TMEM53: variants seen among roughly 807,000 people sequenced by gnomAD.
TMEM53 encodes novel DUF829 domain-containing protein.
A neutral mutation model predicts 21.4 loss-of-function variants in TMEM53; 14 were observed. The observed-to-expected ratio is 0.65, with a 90% confidence interval of 0.43 to 1.02. TMEM53 has a LOEUF of 1.02. TMEM53 is among the 50% of genes least tolerant of loss of function. TMEM53 has a pLI of 0.00. For missense variants in TMEM53, 323 were observed against 383.6 expected, an observed-to-expected ratio of 0.84 and a Z score of 1.32; for synonymous variants, 148 against 157.4, an observed-to-expected ratio of 0.94 and a Z score of 0.45.
intron 1 of TMEM53, among the ~76,000 whole-genome samples, chr1:44,660,972 CAAA>C (rs35717917): frequency 2.3e-5 from 2 of 88,304 alleles, no homozygotes; most frequent in Non-Finnish European, 2.3e-5. Flanking sequence ...GACTCTGTCT[CAAA>C]AAAAAAAAAA....
intron 2 of TMEM53, among the ~76,000 whole-genome samples, chr1:44,659,761 A>G (rs1644882345): frequency 6.6e-6 from 1 of 151,958 alleles, no homozygotes; most frequent in Non-Finnish European, 1.5e-5. Flanking sequence ...GGAAGCCATC[A>G]GGAGACCAAA....
At chr1:44,664,643 A>G (rs550563609) in intron 1 of TMEM53, among the ~76,000 whole-genome samples, 65 of 152,194 alleles carry the variant, frequency 4.3e-4, no homozygotes, top group African/African-American at 1.5e-3. Flanking sequence ...CCCTGTAGAT[A>G]ACAAAACCAT....
intron 1 of TMEM53, 106 bp from the exon 2 acceptor site, chr1:44,660,401 G>A (rs767549773): frequency 1.8e-4 from 264 of 1,460,910 alleles, no homozygotes; most frequent in Middle Eastern, 2.5e-4. Flanking sequence ...AGGGAACAAC[G>A]GGTGCCAGGC....
chr1:44,660,707 G>A (rs560322030), intron 1 of TMEM53, among the ~76,000 whole-genome samples: 2,410 of 152,196 alleles, frequency 0.016, 83 homozygotes, highest in Admixed American at 0.066. Flanking sequence ...AAAATCGGCT[G>A]GGCGCGGTGG....
rs990004028 is a variant in TMEM53, at chr1:44,655,935, T to C, written c.184-726A>G. Among the ~76,000 whole-genome samples, 3 of 152,156 alleles carry C rather than the reference T, an allele frequency of 2.0e-5. No individual in the cohort carries two copies. Among genetic ancestry groups the C allele is most frequent in the African/African-American group, 7.2e-5 (3 of 41,438 alleles). Reference sequence around the variant, plus strand: ...GTAAACACTTGTTCCTCGAATTCTATAATCTGGGCCCAAACTCCCTCTAGG... The same window carrying C: ...GTAAACACTTGTTCCTCGAATTCTACAATCTGGGCCCAAACTCCCTCTAGG... On this transcript the variant is annotated intron_variant, in intron 2 of 2. Transcript: ENST00000372237. This position sits in a 1 kb window ranked among gnomAD's most constrained non-coding sequence, Gnocchi z 4.4.
At chr1:44,669,802 T>A (rs1213622081) in intron 1 of TMEM53, among the ~76,000 whole-genome samples, 1 of 151,222 alleles carries the variant, frequency 6.6e-6, no homozygotes, top group Non-Finnish European at 1.5e-5. Flanking sequence ...ATCCTATTTT[T>A]TTTTTTTTTT....
At position 44,655,263 on chromosome 1, in the gene TMEM53, A is replaced by C; in HGVS notation, c.184-54T>G. ...CAGATGAGGTGGGGGTAGTGGGTAC[A>C]AGCTAAGGTCAGAGGGGCCCAGCAA... On this transcript the variant is annotated intron_variant, in intron 2 of 2. Coordinates refer to ENST00000372237, the MANE Select transcript of TMEM53 (RefSeq NM_024587.4). This position sits in a 1 kb window ranked among gnomAD's most constrained non-coding sequence, Gnocchi z 4.4. The C allele has an allele frequency of 7.2e-6, 11 of 1,526,290 alleles. No homozygotes were observed. Among genetic ancestry groups the C allele is most frequent in the Non-Finnish European group, 1.8e-6 (2 of 1,136,002 alleles). The allele number at this position is 1,526,290 out of a possible 1,614,324, so 94.5% of individuals were successfully genotyped here. A position where few individuals can be genotyped will look rare whatever the true frequency, so the allele number is the denominator to read the frequency against.
chr1:44,656,230 C>A (rs181371452), intron 2 of TMEM53, among the ~76,000 whole-genome samples: 2 of 151,918 alleles, frequency 1.3e-5, no homozygotes, highest in East Asian at 3.9e-4. Context: ...TATAAGATTA[C>A]GGTGAAATTG....
At chr1:44,659,495 C>T (rs770544925) in intron 2 of TMEM53, among the ~76,000 whole-genome samples, 6 of 152,170 alleles carry the variant, frequency 3.9e-5, no homozygotes, top group East Asian at 1.9e-4. Context: ...TGAGAAGAAG[C>T]GTGAATCTCT....
rs1220911772 is a variant in TMEM53, at chr1:44,655,663, G to A, written c.184-454C>T. 3.3e-5 allele frequency among the ~76,000 whole-genome samples: 5 copies of A among 152,040 alleles called. No individual in the cohort carries two copies. Among genetic ancestry groups the A allele is most frequent in the Non-Finnish European group, 7.4e-5 (5 of 68,002 alleles). On this transcript the variant is annotated intron_variant, in intron 2 of 2. Transcript: ENST00000372237. The surrounding 1 kb of genome is among the most constrained non-coding windows in gnomAD (Gnocchi z 4.4). ...AGATCTGCACTGTCCCTACCTCCCA[G>A]ACAGAAGTAGTACCCCCATGAGACC...
At chr1:44,662,866 T>A (rs1361536332) in intron 1 of TMEM53, among the ~76,000 whole-genome samples, 1 of 152,194 alleles carries the variant, frequency 6.6e-6, no homozygotes, top group Non-Finnish European at 1.5e-5. Context: ...CAGCTGCTGC[T>A]GGGCCTCCCA....
rs962792679 is a variant in TMEM53 at position 44,666,561 on chromosome 1, C to T, written c.62-6266G>A. ...TAAAAAGGAATGAAGTACTAATACACGTGATAGCATGGATGAACCTTGAAA... is the reference window on the plus strand; with the variant it reads ...TAAAAAGGAATGAAGTACTAATACATGTGATAGCATGGATGAACCTTGAAA... On this transcript the variant is annotated intron_variant, in intron 1 of 2. Coordinates refer to ENST00000372237, the MANE Select transcript of TMEM53 (RefSeq NM_024587.4). Among the ~76,000 whole-genome samples, 7 of 152,250 alleles carry T rather than the reference C, an allele frequency of 4.6e-5. No homozygotes were observed. The East Asian group carries it at 7.7e-4, about 17-fold the overall frequency.
intron 2 of TMEM53, among the ~76,000 whole-genome samples, chr1:44,658,614 G>A (rs911748560): frequency 2.6e-5 from 4 of 152,138 alleles, no homozygotes; most frequent in Admixed American, 1.3e-4. Flanking sequence ...GCAGTGGTGC[G>A]ACTTCGGCTC....
intron 1 of TMEM53, among the ~76,000 whole-genome samples, chr1:44,665,443 C>T (rs990617197): frequency 6.6e-6 from 1 of 152,030 alleles, no homozygotes; most frequent in Non-Finnish European, 1.5e-5. Context: ...TGGGGACCAG[C>T]CTGACCAACA....
chr1:44,655,107 G>C lies in TMEM53; in HGVS notation c.286C>G (p.Leu96Val), dbSNP rs1644837139. ...LRVLAQKLLE[L>V]LFDYEIEKEP... ...TTCTCAATCTCATAATCAAAGAGCA[G>C]CTCGAGCAGCTTCTGGGCCAAAACA... Residue 96 changes from leucine (L) to valine (V), a missense_variant, in exon 3 of 3, where the codon CTG (leucine) becomes GTG (valine). By Grantham distance (32) the Leu-to-Val change is conservative. This residue lies in a region of TMEM53 where 269 missense variants were observed against 334.5 expected (regional missense o/e 0.80). Transcript: ENST00000372237. The surrounding 1 kb of genome is among the most constrained non-coding windows in gnomAD (Gnocchi z 4.4). 1.2e-6 allele frequency: 2 copies of C among 1,614,096 alleles called. No individual in the cohort carries two copies. The highest frequency in any genetic ancestry group is 2.2e-5 in the South Asian group (2 of 91,088).
At position 44,664,669 on chromosome 1, in the gene TMEM53, T is replaced by G. The variant is rs570446137; in HGVS notation, c.62-4374A>C. On this transcript the variant is annotated intron_variant, in intron 1 of 2. Coordinates refer to ENST00000372237, the MANE Select transcript of TMEM53 (RefSeq NM_024587.4). ...ACAAAACCATCTCCATCACCTCAGC[T>G]CCAAACCTGTATACATGGCTGCCTC... Among the ~76,000 whole-genome samples the G allele has an allele frequency of 2.0e-5, 3 of 151,940 alleles. No individual in the cohort carries two copies. In the East Asian group the frequency reaches 5.8e-4, roughly 29 times the overall value.
intron 2 of TMEM53, among the ~76,000 whole-genome samples, chr1:44,658,186 C>G (rs890377778): frequency 2.6e-5 from 4 of 152,106 alleles, no homozygotes; most frequent in Non-Finnish European, 4.4e-5. Flanking sequence ...TTGGGTTCCT[C>G]AGGACTGTCC....
rs1449436054 is a variant in TMEM53 at position 44,654,867 on chromosome 1, C to T, written c.526G>A (p.Ala176Thr). Residue 176 changes from alanine (A) to threonine (T), a missense_variant, in exon 3 of 3, where the codon GCC becomes ACC. Ala to Thr is a moderately conservative substitution (Grantham distance 58). Transcript: ENST00000372237. This position sits in a 1 kb window ranked among gnomAD's most constrained non-coding sequence, Gnocchi z 7.0. ...AAMLRLLLLV[A>T]FALVVVLFHV... is the part of the protein sequence containing the mutation. ...AACAGGACGACCACCAGGGCAAAGG[C>T]CACCAGCAGCAACAGGCGCAGCATG... 1.2e-6 allele frequency: 2 copies of T among 1,612,552 alleles called. No homozygotes were observed. Among genetic ancestry groups the T allele is most frequent in the Non-Finnish European group, 1.7e-6 (2 of 1,179,830 alleles).
At chr1:44,665,755 G>C (rs767914482) in intron 1 of TMEM53, among the ~76,000 whole-genome samples, 1 of 151,874 alleles carries the variant, frequency 6.6e-6, no homozygotes, top group Non-Finnish European at 1.5e-5. Flanking sequence ...ATAAATGTAA[G>C]AGCTGAAACT....
Sources: gnomAD v4.1 joint callset for allele counts (sites outside exome capture counted in the v4.1 genomes callset) on GRCh38, gnomAD v4.1.1 for gene constraint, gnomAD v4.1.1 regional missense constraint, Gnocchi (gnomAD v3.1) non-coding constraint, MANE v1.5 for transcripts, NCBI Gene and HGNC (gene_info 2026-07-23, HGNC 2026-07-21) for gene names.